ZNF25: variants seen among roughly 807,000 people sequenced by gnomAD.
ZNF25 encodes zinc finger protein 25.
Under a neutral mutation model 30.9 loss-of-function variants are expected in ZNF25, and 21 were observed. That is an observed-to-expected ratio of 0.68 (90% confidence interval 0.48 to 0.98). ZNF25 has a LOEUF of 0.98. Ranked by LOEUF, ZNF25 falls within the 50% of genes least tolerant of loss-of-function variation. The pLI is 0.00. For missense variants in ZNF25, 501 were observed against 529.9 expected (o/e 0.95, Z 0.54); for synonymous variants, 169 against 181.3 (o/e 0.93, Z 0.55).
At chr10:37,964,151 CT>C (rs1454628827) in intron 2 of ZNF25, among the ~76,000 whole-genome samples, 3 of 152,130 alleles carry the variant, frequency 2.0e-5, no homozygotes, top group African/African-American at 7.2e-5. Context: ...CCTGTACAGC[CT>C]GCATAACCAT....
At chr10:37,955,988 C>T (rs575462377) in intron 4 of ZNF25, among the ~76,000 whole-genome samples, 1 of 152,168 alleles carries the variant, frequency 6.6e-6, no homozygotes, top group African/African-American at 2.4e-5. Context: ...CAGCCAGTCT[C>T]TTGTTAATTA....
At chr10:37,959,669 G>A (rs1212018225) in intron 2 of ZNF25, among the ~76,000 whole-genome samples, 2 of 151,912 alleles carry the variant, frequency 1.3e-5, no homozygotes, top group African/African-American at 4.8e-5. Flanking sequence ...GAGTGCAATG[G>A]TGCAATCTCG....
At chr10:37,957,233 T>C in intron 3 of ZNF25, 118 bp from the exon 4 acceptor site, 1 of 1,308,172 alleles carries the variant, frequency 7.6e-7, no homozygotes, top group Non-Finnish European at 1.1e-6. Flanking sequence ...TTGGCAAATT[T>C]AGATTCTTTC....
At chr10:37,969,526 T>C (rs1317849155) in intron 2 of ZNF25, among the ~76,000 whole-genome samples, 2 of 152,190 alleles carry the variant, frequency 1.3e-5, no homozygotes, top group Non-Finnish European at 2.9e-5. Flanking sequence ...GGTCACCTAA[T>C]GTATGATCTC....
chr10:37,951,752 G>A lies in ZNF25; in HGVS notation c.*375C>T, dbSNP rs942400797. ...TACTCAAGGAGCTTCTCATTTGTGA[G>A]CTTTTGGATGTCTACAGCTGGCTGC... is the stretch of plus-strand genomic sequence containing the variant. On this transcript the variant is annotated 3_prime_UTR_variant, in exon 6 of 6. Transcript: ENST00000302609. The A allele has an allele frequency of 2.2e-5, 4 of 178,710 alleles. No individual in the cohort carries two copies. Among genetic ancestry groups the A allele is most frequent in the African/African-American group, 4.7e-5 (2 of 42,394 alleles). The allele number at this position is 178,710 out of a possible 1,614,324, so 11.1% of individuals were successfully genotyped here.
rs2062154964 is a variant in ZNF25, at chr10:37,951,777, C to G, written c.*350G>C. ...GCTTTTGGATGTCTACAGCTGGCTG[C>G]CCTGACAGAAAATGTCTTGACATTC... On this transcript the variant is annotated 3_prime_UTR_variant, in exon 6 of 6. Coordinates refer to ENST00000302609, the MANE Select transcript of ZNF25 (RefSeq NM_145011.4). The G allele has an allele frequency of 5.0e-6, 1 of 201,464 alleles. No homozygotes were observed. Among genetic ancestry groups the G allele is most frequent in the Admixed American group, 5.4e-5 (1 of 18,368 alleles). 12.5% of individuals were successfully genotyped at this position (201,464 alleles called of 1,614,324 possible).
At position 37,970,810 on chromosome 10, in the gene ZNF25, C is replaced by G. The variant is rs147535210; in HGVS notation, c.15+898G>C. Among the ~76,000 whole-genome samples, 14 of 152,178 alleles carry G rather than the reference C, an allele frequency of 9.2e-5. No individual in the cohort carries two copies. In the East Asian group the frequency reaches 2.7e-3, roughly 29 times the overall value. On this transcript the variant is annotated intron_variant, in intron 2 of 5. Coordinates refer to ENST00000302609, the MANE Select transcript of ZNF25 (RefSeq NM_145011.4). ...ATTGCTGTTTTTCCTACCCACAATG[C>G]TGCTCCCTCAGATTTCTACTTGGCT...
intron 2 of ZNF25, 52 bp downstream of exon 2, chr10:37,971,630 AACACACACACACACACACACACACAC>A (rs4007126): frequency 4.3e-6 from 6 of 1,389,724 alleles, no homozygotes; most frequent in African/African-American, 1.5e-5. Flanking sequence ...AAACTCATTA[AACACACACACACACACACACACACAC>A]ACACACACAC....
At chr10:37,953,227 T>C (rs556817289) in intron 5 of ZNF25, 32 bp from the exon 6 acceptor site, 2 of 1,530,374 alleles carry the variant, frequency 1.3e-6, no homozygotes. Flanking sequence ...CATTAATGTG[T>C]AAGACTTTTA....
chr10:37,959,437 C>T (rs564684596), intron 2 of ZNF25, among the ~76,000 whole-genome samples: 2 of 152,186 alleles, frequency 1.3e-5, no homozygotes, highest in South Asian at 4.1e-4. Context: ...ATGTCTCGCT[C>T]GTGGGTACAG....
chr10:37,953,885 C>A, intron 4 of ZNF25, 127 bp from the exon 5 acceptor site: 1 of 861,388 alleles, frequency 1.2e-6, no homozygotes, highest in Non-Finnish European at 1.8e-6. Context: ...TCCTCTAGCC[C>A]ATTGTTTTGG....
intron 2 of ZNF25, among the ~76,000 whole-genome samples, chr10:37,969,828 G>A (rs1564796395): frequency 1.3e-5 from 2 of 152,112 alleles, no homozygotes; most frequent in Non-Finnish European, 2.9e-5. Flanking sequence ...AGGCCTAAAT[G>A]GTTTCATTGG....
intron 1 of ZNF25, among the ~76,000 whole-genome samples, chr10:37,973,983 C>T (rs921744334): frequency 6.6e-6 from 1 of 152,062 alleles, no homozygotes; most frequent in Non-Finnish European, 1.5e-5. Context: ...GCATTTATAG[C>T]CAATTTCATT....
intron 2 of ZNF25, among the ~76,000 whole-genome samples, chr10:37,967,218 A>C (rs2063232748): frequency 6.6e-6 from 1 of 152,142 alleles, no homozygotes; most frequent in African/African-American, 2.4e-5. Flanking sequence ...TTCATACGGA[A>C]TTGCAAGGGG....
chr10:37,955,936 G>C (rs2062490575), intron 4 of ZNF25, among the ~76,000 whole-genome samples: 1 of 152,126 alleles, frequency 6.6e-6, no homozygotes, highest in Non-Finnish European at 1.5e-5. Context: ...ACCCACTTTG[G>C]CCTCCCAAAG....
intron 2 of ZNF25, among the ~76,000 whole-genome samples, chr10:37,963,932 G>A (rs2063036291): frequency 6.6e-6 from 1 of 152,118 alleles, no homozygotes; most frequent in African/African-American, 2.4e-5. Context: ...CCAAGATCAT[G>A]CCACTGCACT....
intron 5 of ZNF25, 65 bp from the exon 6 acceptor site, chr10:37,953,260 C>CACTGGGCGT: frequency 6.9e-7 from 1 of 1,450,104 alleles, no homozygotes; most frequent in Non-Finnish European, 9.2e-7. Context: ...CCCCCTGCTC[C>CACTGGGCGT]ACTGGGCGTA....
rs369855069 is a variant in ZNF25, at chr10:37,970,843, T to G, written c.15+865A>C. ...TCAGATTTCTACTTGGCTCTCTCTC[T>G]AATTCAGGACTTTCCTCAAACATTA... On this transcript the variant is annotated intron_variant, in intron 2 of 5. Coordinates refer to ENST00000302609, the MANE Select transcript of ZNF25 (RefSeq NM_145011.4). Among the ~76,000 whole-genome samples the G allele has an allele frequency of 3.3e-5, 5 of 152,284 alleles. No individual in the cohort carries two copies. The East Asian group carries it at 5.8e-4, about 18-fold the overall frequency.
At chr10:37,954,070 G>C (rs937194283) in intron 4 of ZNF25, among the ~76,000 whole-genome samples, 2 of 152,200 alleles carry the variant, frequency 1.3e-5, no homozygotes, top group African/African-American at 4.8e-5. Context: ...AAGTGTTGCT[G>C]AACGGGAGTG....
Sources: gnomAD v4.1 joint callset for allele counts (sites outside exome capture counted in the v4.1 genomes callset) on GRCh38, gnomAD v4.1.1 for gene constraint, MANE v1.5 for transcripts, NCBI Gene and HGNC (gene_info 2026-07-23, HGNC 2026-07-21) for gene names.